The following RIF1 variants were observed in gnomAD, a reference collection of about 807,000 sequenced individuals.
RIF1 encodes telomere-associated protein RIF1.
A neutral mutation model predicts 247.1 loss-of-function variants in RIF1; 45 were observed. That is an observed-to-expected ratio of 0.18 (90% confidence interval 0.14 to 0.23). RIF1 has a LOEUF of 0.23. Among genes scored for constraint, RIF1 ranks in the 10% least tolerant of loss-of-function variants. The pLI is 1.00. For synonymous variants in RIF1, 1,087 were observed against 978.8 expected (o/e 1.11, Z -2.06); for missense variants, 2,967 against 2,862.5 (o/e 1.04, Z -0.83).
chr2:151,496,359 T>C (rs2060164858), intron 10 of RIF1: 1 of 1,609,042 alleles, frequency 6.2e-7, no homozygotes, highest in South Asian at 1.1e-5. Flanking sequence ...ATGTTTTCTT[T>C]GTATAACACC....
the RIF1 span, chr2:151,518,562 A>G: frequency 3.1e-6 from 2 of 647,516 alleles, no homozygotes; most frequent in Non-Finnish European, 5.6e-6. Flanking sequence ...GGAGGTTAAG[A>G]AAAAGTTTTA....
chr2:151,512,979 T>C, downstream of RIF1: 1 of 648,342 alleles, frequency 1.5e-6, no homozygotes, highest in Admixed American at 2.7e-5. Flanking sequence ...TCTTCCTATT[T>C]TGTTCATAGT....
Position 151,436,914 on chromosome 2 carries a change from A to G in RIF1, c.1283A>G (p.Gln428Arg). 1 of 1,614,046 alleles carries G rather than the reference A, an allele frequency of 6.2e-7. No homozygotes were observed. Among genetic ancestry groups the G allele is most frequent in the East Asian group, 2.2e-5 (1 of 44,864 alleles). The stretch of plus-strand genomic sequence containing the variant: ...GGAATGGCCACAATCCCATCCATTC[A>G]ACTTTTGGGACTTGAAATGTTGCTT... ...LGGMATIPSIQLLGLEMLLHF... is the reference protein window; with the variant it reads ...LGGMATIPSIRLLGLEMLLHF... Residue 428 changes from glutamine (Q) to arginine (R), a missense_variant, in exon 12 of 36, where the codon CAA (glutamine) becomes CGA (arginine). By Grantham distance (43) the Gln-to-Arg change is conservative. This residue lies in a region of RIF1 where 369 missense variants were observed against 322.0 expected (regional missense o/e 1.15). Coordinates refer to ENST00000444746, the MANE Select transcript of RIF1 (RefSeq NM_018151.5).
intron 6 of RIF1, among the ~76,000 whole-genome samples, chr2:151,419,475 G>GCCA (rs1025366075): frequency 6.6e-6 from 1 of 151,926 alleles, no homozygotes. Context: ...ACAAGCATGT[G>GCCA]CCACCACACC....
At chr2:151,524,213 A>G in the RIF1 span, 4 of 1,016,234 alleles carry the variant, frequency 3.9e-6, no homozygotes, top group Non-Finnish European at 6.0e-6. Context: ...TTACAGACCC[A>G]GCATCCCTTT....
Position 151,414,862 on chromosome 2 carries a change from G to A in RIF1, c.223G>A (p.Ala75Thr). 9 of 1,613,446 alleles carry A rather than the reference G, an allele frequency of 5.6e-6. No homozygotes were observed. The highest frequency in any genetic ancestry group is 6.8e-6 in the Non-Finnish European group (8 of 1,179,760). The change falls in exon 4 of 36, where the codon GCT becomes ACT. Residue 75 changes from alanine to threonine, a missense_variant. Transcript: ENST00000444746. ...SSQNSELSSA[A>T]LQALGFCLYN... ...TCAAAACTCGGAGCTGAGTAGTGCT[G>A]CTCTACAAGCCCTGGGGTTTTGCTT...
chr2:151,491,874 A>G, intron 9 of RIF1: 1 of 1,071,248 alleles, frequency 9.3e-7, no homozygotes, highest in Non-Finnish European at 1.4e-6. Context: ...GGATTGAATC[A>G]CACTTATTCC....
intron 9 of RIF1, chr2:151,493,761 C>G (rs1010488580): frequency 6.6e-6 from 10 of 1,513,076 alleles, no homozygotes; most frequent in Non-Finnish European, 8.1e-6. Context: ...ATTTATTTTT[C>G]CTTTCTAAAA....
At position 151,446,640 on chromosome 2, in the gene RIF1, G is replaced by T; in HGVS notation, c.2244+65G>T. 8 of 1,509,266 alleles carry T rather than the reference G, an allele frequency of 5.3e-6. No homozygotes were observed. The South Asian group carries it at 7.1e-5, about 13-fold the overall frequency. 93.5% of individuals were successfully genotyped at this position (1,509,266 alleles called of 1,614,324 possible). On this transcript the variant is annotated intron_variant, in intron 20 of 35. Coordinates refer to ENST00000444746, the MANE Select transcript of RIF1 (RefSeq NM_018151.5). Reference sequence around the variant, plus strand: ...AAAGGATTCTTTTCAAGTAAATGGAGATAATATTTGTGAACTGTCACCTAT... The same window carrying T: ...AAAGGATTCTTTTCAAGTAAATGGATATAATATTTGTGAACTGTCACCTAT...
chr2:151,461,713 G>A (rs1033147620), intron 27 of RIF1, among the ~76,000 whole-genome samples: 9 of 151,956 alleles, frequency 5.9e-5, no homozygotes, highest in East Asian at 1.9e-4. Context: ...ATTTTAATGC[G>A]AAAAGTTATA....
chr2:151,429,277 T>C (rs1689640893), intron 9 of RIF1, among the ~76,000 whole-genome samples: 3 of 152,092 alleles, frequency 2.0e-5, no homozygotes, highest in Admixed American at 2.0e-4. Flanking sequence ...GCCTCCCAGG[T>C]TCAAGAGATT....
Position 151,449,912 on chromosome 2 carries a change from G to A in RIF1, c.2245-1694G>A, listed in dbSNP as rs145955676. On this transcript the variant is annotated intron_variant, in intron 20 of 35. Coordinates refer to ENST00000444746, the MANE Select transcript of RIF1 (RefSeq NM_018151.5). Reference sequence around the variant, plus strand: ...GGCTGGAGTGCAGTGGTGCGATCTCGGCTCACTGCAACCTCTGCCTCCGGG... The same window carrying A: ...GGCTGGAGTGCAGTGGTGCGATCTCAGCTCACTGCAACCTCTGCCTCCGGG... 1.7e-3 allele frequency among the ~76,000 whole-genome samples: 254 copies of A among 148,496 alleles called. 1 individual carries two copies. Among genetic ancestry groups the A allele is most frequent in the African/African-American group, 6.0e-3 (243 of 40,270 alleles).
At chr2:151,527,469 C>G in the RIF1 span, 1 of 1,599,702 alleles carries the variant, frequency 6.3e-7, no homozygotes, top group Non-Finnish European at 8.6e-7. Flanking sequence ...GTCTGTGTCT[C>G]TCCTGTCTTA....
chr2:151,439,720 A>G (rs148822535), intron 14 of RIF1, among the ~76,000 whole-genome samples: 17 of 151,388 alleles, frequency 1.1e-4, no homozygotes, highest in Non-Finnish European at 2.5e-4. Flanking sequence ...ATGGTGGCTG[A>G]CGTCTGTAAT....
chr2:151,452,682 C>T (rs1414650321), intron 21 of RIF1, among the ~76,000 whole-genome samples: 1 of 152,144 alleles, frequency 6.6e-6, no homozygotes, highest in Non-Finnish European at 1.5e-5. Context: ...AATATGATTA[C>T]CTCAGTGTGT....
Position 151,422,963 on chromosome 2 carries a change from A to G in RIF1, c.707A>G (p.Glu236Gly). 1.3e-6 allele frequency: 2 copies of G among 1,563,268 alleles called. No homozygotes were observed. Among genetic ancestry groups the G allele is most frequent in the Non-Finnish European group, 1.8e-6 (2 of 1,140,552 alleles). Residue 236 changes from glutamate to glycine, a missense_variant, in exon 8 of 36, where the codon GAA becomes GGA. Glu to Gly is a moderately conservative substitution (Grantham distance 98). Around this residue, in one of 7 missense-constraint regions of RIF1, gnomAD observed 269 missense variants for 288.6 expected, o/e 0.93. Coordinates refer to ENST00000444746, the MANE Select transcript of RIF1 (RefSeq NM_018151.5). ...TTTTGTTTGCAGAAATTAATCTCAG[A>G]ACTTCAGAAGCTATTTATGAGTAAA... Reference protein sequence around the residue: ...EQLMTTKLISELQKLFMSKNE... With the variant: ...EQLMTTKLISGLQKLFMSKNE...
chr2:151,518,862 T>A, the RIF1 span: 1 of 721,042 alleles, frequency 1.4e-6, no homozygotes, highest in African/African-American at 1.8e-5. Flanking sequence ...TTGTAATAAA[T>A]CTAGGGTATC....
chr2:151,506,074 TG>T, intron 12 of RIF1: 2 of 1,098,978 alleles, frequency 1.8e-6, no homozygotes, highest in Non-Finnish European at 2.8e-6. Flanking sequence ...AAGCTGTTTC[TG>T]GTGACAGAGG....
intron 30 of RIF1, among the ~76,000 whole-genome samples, chr2:151,467,547 G>A (rs1226063648): frequency 2.6e-5 from 4 of 152,214 alleles, no homozygotes; most frequent in Admixed American, 6.5e-5. Flanking sequence ...GTTTCACCAT[G>A]TTGGTCAGGC....
Sources: gnomAD v4.1 joint callset for allele counts (sites outside exome capture counted in the v4.1 genomes callset) on GRCh38, gnomAD v4.1.1 for gene constraint, gnomAD v4.1.1 regional missense constraint, MANE v1.5 for transcripts, NCBI Gene and HGNC (gene_info 2026-07-23, HGNC 2026-07-21) for gene names.